The following PRKN variants were observed in gnomAD, a reference collection of about 807,000 sequenced individuals.
PRKN encodes the protein parkin RBR E3 ubiquitin protein ligase.
A neutral mutation model predicts 59.5 loss-of-function variants in PRKN; 56 were observed. The ratio of observed to expected loss-of-function variants is 0.94; its 90% CI spans 0.76 to 1.18. PRKN has a LOEUF of 1.18. Ranked by LOEUF, PRKN falls within the 50% of genes most tolerant of loss-of-function variation. The pLI, the probability that PRKN is intolerant of heterozygous loss-of-function variation, is 0.00. For synonymous variants in PRKN, 250 were observed against 222.1 expected, an observed-to-expected ratio of 1.13 and a Z score of -1.12; for missense variants, 657 against 596.4, an observed-to-expected ratio of 1.10 and a Z score of -1.06.
At chr6:162,114,751 C>T (rs1428608507) in intron 4 of PRKN, among the ~76,000 whole-genome samples, 19 of 150,926 alleles carry the variant, frequency 1.3e-4, no homozygotes, top group Admixed American at 7.9e-4. Flanking sequence ...AAAATGCTCA[C>T]CATCACTGGC....
chr6:162,551,350 T>C (rs539057421), intron 1 of PRKN, among the ~76,000 whole-genome samples: 4 of 152,320 alleles, frequency 2.6e-5, no homozygotes, highest in South Asian at 4.1e-4. Flanking sequence ...TAAAGTGTTA[T>C]AAACTTACAA....
At chr6:161,777,817 T>C (rs1294425640) in intron 7 of PRKN, among the ~76,000 whole-genome samples, 2 of 135,768 alleles carry the variant, frequency 1.5e-5, no homozygotes, top group African/African-American at 6.5e-5. Flanking sequence ...TGTATATATG[T>C]GTATATATGT....
chr6:161,444,259 C>T lies in PRKN; in HGVS notation c.1084-57382G>A, dbSNP rs547954972. ...GAAATCCTCTTGCCTGGAAGAGGCT[C>T]CCAATCATCTGTCAACTTGTCTTTC... On this transcript the variant is annotated intron_variant, in intron 9 of 11. Transcript: ENST00000366898. This position sits in a 1 kb window ranked among gnomAD's most constrained non-coding sequence, Gnocchi z 5.6. Among the ~76,000 whole-genome samples the T allele has an allele frequency of 3.3e-4, 51 of 152,264 alleles. No individual in the cohort carries two copies. Among genetic ancestry groups the T allele is most frequent in the Middle Eastern group, 3.4e-3 (1 of 294 alleles).
At chr6:162,665,731 T>G (rs957219229) in intron 1 of PRKN, among the ~76,000 whole-genome samples, 2 of 152,164 alleles carry the variant, frequency 1.3e-5, no homozygotes, top group Non-Finnish European at 2.9e-5. Flanking sequence ...TAGACAATCC[T>G]AAGCAAAAGG....
intron 2 of PRKN, among the ~76,000 whole-genome samples, chr6:162,338,985 T>C (rs1433891354): frequency 6.9e-4 from 88 of 126,774 alleles, no homozygotes; most frequent in Middle Eastern, 6.3e-3. Flanking sequence ...CCGGCCACCC[T>C]GTCTGAGAAG....
intron 1 of PRKN, among the ~76,000 whole-genome samples, chr6:162,676,367 C>A (rs771852641): frequency 9.9e-5 from 15 of 151,702 alleles, no homozygotes; most frequent in Non-Finnish European, 1.9e-4. Flanking sequence ...AAAAAAATAG[C>A]AGAGGTGAAA....
intron 6 of PRKN, among the ~76,000 whole-genome samples, chr6:161,954,191 T>C (rs1205371960): frequency 1.3e-5 from 2 of 152,190 alleles, no homozygotes; most frequent in Non-Finnish European, 2.9e-5. Context: ...GTAGCTTCTA[T>C]AATACATCGA....
chr6:162,305,399 T>A (rs558968718), intron 2 of PRKN, among the ~76,000 whole-genome samples: 13 of 147,632 alleles, frequency 8.8e-5, no homozygotes, highest in African/African-American at 3.0e-4. Context: ...TTTAAAAAAA[T>A]TATCATTGCT....
chr6:161,351,412 C>G (rs1362255140), intron 11 of PRKN, among the ~76,000 whole-genome samples: 1 of 151,548 alleles, frequency 6.6e-6, no homozygotes, highest in Admixed American at 6.6e-5. Context: ...GCAACCCCCA[C>G]CTCCCAGGTT....
At chr6:162,503,001 A>G (rs1352456476) in intron 1 of PRKN, among the ~76,000 whole-genome samples, 1 of 151,348 alleles carries the variant, frequency 6.6e-6, no homozygotes, top group East Asian at 1.9e-4. Flanking sequence ...TTAATATTAA[A>G]ATAAAATAGA....
chr6:162,197,336 T>C (rs1220184001), intron 4 of PRKN, among the ~76,000 whole-genome samples: 1 of 152,216 alleles, frequency 6.6e-6, no homozygotes, highest in Non-Finnish European at 1.5e-5. Context: ...GTATTTTTGT[T>C]ATTGAAAAAT....
Position 161,525,501 on chromosome 6 carries a change from T to A in PRKN, c.1083+23353A>T, listed in dbSNP as rs1458993974. ...TCAGGGATATTGGGAGCAGGAGAAC[T>A]GTGGTGCTGCATGAATTTAAGGGAT... On this transcript the variant is annotated intron_variant, in intron 9 of 11. Coordinates refer to ENST00000366898, the MANE Select transcript of PRKN (RefSeq NM_004562.3). This position sits in a 1 kb window ranked among gnomAD's most constrained non-coding sequence, Gnocchi z 4.7. Among the ~76,000 whole-genome samples the A allele has an allele frequency of 6.6e-6, 1 of 152,162 alleles. No individual in the cohort carries two copies. The highest frequency in any genetic ancestry group is 1.9e-4 in the East Asian group (1 of 5,192).
intron 1 of PRKN, among the ~76,000 whole-genome samples, chr6:162,552,603 T>C (rs1779375494): frequency 6.6e-6 from 1 of 152,134 alleles, no homozygotes; most frequent in Non-Finnish European, 1.5e-5. Context: ...AGTTTAGTTT[T>C]GAACATATTA....
intron 3 of PRKN, among the ~76,000 whole-genome samples, chr6:162,249,629 A>G (rs909198524): frequency 6.6e-6 from 1 of 152,160 alleles, no homozygotes; most frequent in South Asian, 2.1e-4. Context: ...AGCAAATAAT[A>G]AAGGCTTTTA....
At position 161,667,674 on chromosome 6, in the gene PRKN, G is replaced by A. The variant is rs6904090; in HGVS notation, c.872-98258C>T. On this transcript the variant is annotated intron_variant, in intron 7 of 11. Coordinates refer to ENST00000366898, the MANE Select transcript of PRKN (RefSeq NM_004562.3). ...GATGCTACATAATCAATAACTATGT[G>A]TTGACCAAATAGATGATTAAGTCAG... 7.1e-3 allele frequency among the ~76,000 whole-genome samples: 1,076 copies of A among 152,176 alleles called. 11 individuals are homozygous for A. The highest frequency in any genetic ancestry group is 0.024 in the African/African-American group (978 of 41,516).
intron 7 of PRKN, among the ~76,000 whole-genome samples, chr6:161,597,336 G>C (rs9688609): frequency 0.025 from 3,735 of 152,250 alleles, 160 homozygotes; most frequent in African/African-American, 0.085. Context: ...AGGAAGCTGT[G>C]CTCCATGAAT....
chr6:161,542,758 G>A (rs1218672829), intron 9 of PRKN, among the ~76,000 whole-genome samples: 1 of 152,066 alleles, frequency 6.6e-6, no homozygotes, highest in Non-Finnish European at 1.5e-5. Flanking sequence ...GTGTCCAGGC[G>A]GTTGAGGCAA....
At chr6:161,617,855 G>C (rs1782753538) in intron 7 of PRKN, among the ~76,000 whole-genome samples, 1 of 152,232 alleles carries the variant, frequency 6.6e-6, no homozygotes, top group African/African-American at 2.4e-5. Flanking sequence ...TATGGCCTGG[G>C]CCTTCCTGTT....
Position 161,397,933 on chromosome 6 carries a change from G to T in PRKN, c.1084-11056C>A, listed in dbSNP as rs774683770. Among the ~76,000 whole-genome samples, 2 of 152,138 alleles carry T rather than the reference G, an allele frequency of 1.3e-5. No homozygotes were observed. Among genetic ancestry groups the T allele is most frequent in the Non-Finnish European group, 2.9e-5 (2 of 68,030 alleles). On this transcript the variant is annotated intron_variant, in intron 9 of 11. Transcript: ENST00000366898. The surrounding 1 kb of genome is among the most constrained non-coding windows in gnomAD (Gnocchi z 4.2). ...ATCACAGGCATGATGGGGTGGAAAA[G>T]GCTTCACAACAGAGAGCTCTGAATC...
Sources: allele counts gnomAD v4.1 joint callset (sites outside exome capture counted in the v4.1 genomes callset), GRCh38; gene constraint gnomAD v4.1.1; non-coding constraint Gnocchi (gnomAD v3.1); transcripts MANE v1.5; gene names NCBI Gene and HGNC (gene_info 2026-07-23, HGNC 2026-07-21).